The following NRXN3 variants were observed in gnomAD, a reference collection of about 807,000 sequenced individuals.
NRXN3 encodes the protein neurexin III.
NRXN3 carries 32 observed loss-of-function variants against 137.6 expected under a neutral mutation model. That is an observed-to-expected ratio of 0.23 (90% CI 0.18 to 0.31). The LOEUF is 0.31. Ranked by LOEUF, NRXN3 falls within the 10% of genes least tolerant of loss-of-function variation. The pLI is 1.00. For synonymous variants in NRXN3, 798 were observed against 784.5 expected (o/e 1.02, Z -0.29); for missense variants, 1,574 against 2,062.5 (o/e 0.76, Z 4.59).
At chr14:78,198,763 T>C (rs1461320024) in intron 1 of NRXN3, among the ~76,000 whole-genome samples, 1 of 152,256 alleles carries the variant, frequency 6.6e-6, no homozygotes, top group Non-Finnish European at 1.5e-5. Flanking sequence ...ATGACACCAA[T>C]GGAACAGAAT....
chr14:78,300,722 C>T, intron 4 of NRXN3: 1 of 1,446,996 alleles, frequency 6.9e-7, no homozygotes, highest in Admixed American at 2.0e-5. Context: ...ATCATTATAA[C>T]TATCAATCTG....
chr14:79,097,267 A>G (rs981288425), intron 15 of NRXN3, among the ~76,000 whole-genome samples: 3 of 152,160 alleles, frequency 2.0e-5, no homozygotes, highest in Non-Finnish European at 4.4e-5. Flanking sequence ...AAGCAAATTT[A>G]TTCTCATATC....
intron 10 of NRXN3, among the ~76,000 whole-genome samples, chr14:78,946,968 A>G (rs1408069599): frequency 6.6e-6 from 1 of 152,186 alleles, no homozygotes. Context: ...GACTATAAGG[A>G]TATGATATTT....
intron 4 of NRXN3, among the ~76,000 whole-genome samples, chr14:78,497,245 G>C (rs1420645118): frequency 6.6e-6 from 1 of 152,106 alleles, no homozygotes; most frequent in Non-Finnish European, 1.5e-5. Context: ...TTGAGCATAA[G>C]TTTTGATTAA....
intron 15 of NRXN3, among the ~76,000 whole-genome samples, chr14:79,133,769 CA>C (rs372979067): frequency 1.2e-4 from 18 of 146,696 alleles, no homozygotes; most frequent in Admixed American, 2.7e-4. Context: ...ACTAAAAATA[CA>C]AAAAAAAAAT....
In NRXN3 at chr14:78,883,817, TG is replaced by T. The variant is rs543435439; in HGVS notation, c.2276-73423del. Among the ~76,000 whole-genome samples, 131 of 152,364 alleles carry T rather than the reference TG, an allele frequency of 8.6e-4. 1 individual carries two copies. Among genetic ancestry groups the T allele is most frequent in the African/African-American group, 3.1e-3 (131 of 41,598 alleles). ...AGATACATTAGTCTCAATTCAGCTT[TG>T]GTTGAAGTCACCTGTGATGAATTTG... On this transcript the variant is annotated intron_variant, in intron 10 of 20. Transcript: ENST00000335750.
At chr14:79,290,683 A>T (rs928047497) in intron 15 of NRXN3, among the ~76,000 whole-genome samples, 2 of 145,550 alleles carry the variant, frequency 1.4e-5, no homozygotes, top group Non-Finnish European at 3.0e-5. Context: ...AAAAAAAAAA[A>T]TAGCCACCAC....
intron 2 of NRXN3, among the ~76,000 whole-genome samples, chr14:78,260,890 G>C (rs564798592): frequency 9.7e-4 from 148 of 152,152 alleles, no homozygotes; most frequent in African/African-American, 3.5e-3. Flanking sequence ...ATTTTGATTG[G>C]GTAAATTTAA....
intron 15 of NRXN3, among the ~76,000 whole-genome samples, chr14:79,423,084 A>G (rs1274157964): frequency 1.3e-5 from 2 of 152,152 alleles, no homozygotes; most frequent in African/African-American, 2.4e-5. Flanking sequence ...TGCTTCAGTC[A>G]GTTAGCTTCA....
At chr14:79,588,238 A>T (rs1256831036) in intron 16 of NRXN3, among the ~76,000 whole-genome samples, 1 of 152,080 alleles carries the variant, frequency 6.6e-6, no homozygotes, top group Non-Finnish European at 1.5e-5. Context: ...CTGTTATATA[A>T]CCTGTGGTCT....
rs544808941 is a variant in NRXN3, at chr14:79,604,276, C to T, written c.3445-59502C>T. Among the ~76,000 whole-genome samples, 541 of 152,082 alleles carry T rather than the reference C, an allele frequency of 3.6e-3. 1 individual carries two copies. Among genetic ancestry groups the T allele is most frequent in the African/African-American group, 0.013 (523 of 41,472 alleles). On this transcript the variant is annotated intron_variant, in intron 16 of 20. Coordinates refer to ENST00000335750, the MANE Select transcript of NRXN3 (RefSeq NM_001330195.2). ...TTGAGATGGAGTTTCACTCTGTCAC[C>T]GAGGCTGGAGTGCAGTGGTGTGATC...
At chr14:78,780,393 T>A (rs1474118231) in intron 8 of NRXN3, among the ~76,000 whole-genome samples, 1 of 152,108 alleles carries the variant, frequency 6.6e-6, no homozygotes. Context: ...GACCTATGTA[T>A]GGGAAAGATT....
intron 18 of NRXN3, among the ~76,000 whole-genome samples, chr14:79,696,897 T>A (rs2098737544): frequency 6.6e-6 from 1 of 151,946 alleles, no homozygotes; most frequent in Non-Finnish European, 1.5e-5. Context: ...ATTACCAATA[T>A]GCTTATATTT....
chr14:79,786,457 T>A (rs2099129714), intron 19 of NRXN3, among the ~76,000 whole-genome samples: 1 of 152,230 alleles, frequency 6.6e-6, no homozygotes, highest in African/African-American at 2.4e-5. Flanking sequence ...AACTGTTTTA[T>A]GTGTAAGCAT....
intron 15 of NRXN3, among the ~76,000 whole-genome samples, chr14:79,415,369 C>T (rs940475521): frequency 2.0e-5 from 3 of 152,052 alleles, no homozygotes; most frequent in South Asian, 2.1e-4. Flanking sequence ...ATTCCCTAAA[C>T]GATACAGTGT....
chr14:78,254,853 CT>C (rs962376401), intron 2 of NRXN3, among the ~76,000 whole-genome samples: 1 of 151,588 alleles, frequency 6.6e-6, no homozygotes, highest in Admixed American at 6.6e-5. Flanking sequence ...TCTTTCTTTT[CT>C]TTTTTTTAAA....
chr14:79,639,898 C>T (rs1178866397), intron 16 of NRXN3, among the ~76,000 whole-genome samples: 3 of 151,902 alleles, frequency 2.0e-5, no homozygotes, highest in Non-Finnish European at 2.9e-5. Context: ...CACCATCAGC[C>T]CCAAGGAAAG....
chr14:79,763,757 A>G (rs1486471686), intron 19 of NRXN3, among the ~76,000 whole-genome samples: 1 of 151,390 alleles, frequency 6.6e-6, no homozygotes, highest in Admixed American at 6.6e-5. Context: ...AATTAATCCC[A>G]CTTATGAGGT....
At chr14:79,321,862 T>C (rs2090086571) in intron 15 of NRXN3, among the ~76,000 whole-genome samples, 1 of 148,862 alleles carries the variant, frequency 6.7e-6, no homozygotes, top group South Asian at 2.1e-4. Context: ...ATATATAAAC[T>C]ATATATAAAT....
Sources: allele counts gnomAD v4.1 joint callset (sites outside exome capture counted in the v4.1 genomes callset), GRCh38; gene constraint gnomAD v4.1.1; transcripts MANE v1.5; gene names NCBI Gene and HGNC (gene_info 2026-07-23, HGNC 2026-07-21).